The following UGT3A1 variants were observed in gnomAD, a reference collection of about 807,000 sequenced individuals.
UGT3A1 encodes UDP glycosyltransferase family 3 member A1, also known as UDP-glycosyltransferase 3A1.
A neutral mutation model predicts 37.6 loss-of-function variants in UGT3A1; 40 were observed. The ratio of observed to expected loss-of-function variants is 1.06; its 90% CI spans 0.83 to 1.38. UGT3A1 has a LOEUF of 1.38. UGT3A1 is among the 40% of genes most tolerant of loss of function. The pLI, the probability that UGT3A1 is intolerant of heterozygous loss-of-function variation, is 0.00. For missense variants in UGT3A1, 642 were observed against 634.2 expected, an observed-to-expected ratio of 1.01 and a Z score of -0.13; for synonymous variants, 256 against 232.3, an observed-to-expected ratio of 1.10 and a Z score of -0.93.
intron 2 of UGT3A1, among the ~76,000 whole-genome samples, chr5:35,981,622 T>A (rs1301340700): frequency 6.6e-6 from 1 of 152,178 alleles, no homozygotes; most frequent in African/African-American, 2.4e-5. Flanking sequence ...CCATGTTCAT[T>A]TGCATAAGAA....
intron 2 of UGT3A1, among the ~76,000 whole-genome samples, chr5:35,976,968 A>T (rs1580944844): frequency 6.6e-6 from 1 of 151,228 alleles, no homozygotes; most frequent in East Asian, 1.9e-4. Flanking sequence ...GAAAGAGAGA[A>T]AGGGAGAAAG....
At position 35,953,718 on chromosome 5, in the gene UGT3A1, G is replaced by A. The variant is rs567322141; in HGVS notation, c.*484C>T. The A allele has an allele frequency of 1.2e-3, 186 of 157,888 alleles. 6 individuals carry two copies. In the South Asian group the frequency reaches 0.034, roughly 29 times the overall value. 9.8% of individuals were successfully genotyped at this position (157,888 alleles called of 1,614,324 possible). A position where few individuals can be genotyped will look rare whatever the true frequency, so the allele number is the denominator to read the frequency against. The stretch of plus-strand genomic sequence containing the variant: ...GGCAGTGAGCAAAGGTCTTGGCAGG[G>A]GTTCTCCTTCCCTAAATGCAGGAGA... On this transcript the variant is annotated 3_prime_UTR_variant, in exon 7 of 7. Coordinates refer to ENST00000274278, the MANE Select transcript of UGT3A1 (RefSeq NM_152404.4).
At chr5:35,995,443 C>T (rs1387023822), upstream of UGT3A1, among the ~76,000 whole-genome samples, 2 of 152,308 alleles carry the variant, frequency 1.3e-5, no homozygotes, top group African/African-American at 4.8e-5. Context: ...GGCTGAATTA[C>T]GAGGCATAGT....
At chr5:35,991,640 C>A (rs1740955867), upstream of UGT3A1, 28 of 1,003,492 alleles carry the variant, frequency 2.8e-5, no homozygotes, top group Non-Finnish European at 3.3e-5. Flanking sequence ...TTTCGTGGAG[C>A]TGTCTGAACT....
chr5:35,992,417 G>T (rs1436199390), upstream of UGT3A1, among the ~76,000 whole-genome samples: 1 of 152,046 alleles, frequency 6.6e-6, no homozygotes, highest in Non-Finnish European at 1.5e-5. Context: ...GGAAAGAGAA[G>T]TGTGGAGGGG....
intron 2 of UGT3A1, among the ~76,000 whole-genome samples, chr5:35,982,589 A>C (rs1340973546): frequency 6.6e-6 from 1 of 152,174 alleles, no homozygotes; most frequent in Non-Finnish European, 1.5e-5. Flanking sequence ...AAGTAACTGA[A>C]TTGTTTTAGA....
intron 6 of UGT3A1, chr5:35,955,367 C>G: frequency 1.7e-6 from 1 of 584,756 alleles, no homozygotes. Flanking sequence ...TGGAATTCCA[C>G]TAGAGGGACT....
In UGT3A1 at chr5:35,951,890, G is replaced by T. The variant is rs1227788703; in HGVS notation, c.*2312C>A. The stretch of plus-strand genomic sequence containing the variant: ...TAGTGTGAAGTCTGGATCAAATATT[G>T]CCTTTTTTCTCAATATTATCCAGTT... On this transcript the variant is annotated 3_prime_UTR_variant, in exon 7 of 7. Transcript: ENST00000274278. 1 of 152,098 alleles carries T rather than the reference G, an allele frequency of 6.6e-6. No homozygotes were observed. Among genetic ancestry groups the T allele is most frequent in the African/African-American group, 2.4e-5 (1 of 41,410 alleles). The allele number at this position is 152,098 out of a possible 1,614,324, so 9.4% of individuals were successfully genotyped here.
chr5:35,957,657 A>G (rs1739411188), intron 4 of UGT3A1, among the ~76,000 whole-genome samples: 1 of 152,168 alleles, frequency 6.6e-6, no homozygotes, highest in Non-Finnish European at 1.5e-5. Context: ...TTGCATATAA[A>G]TTATAAATTT....
chr5:35,954,762 T>C, intron 6 of UGT3A1: 2 of 444,790 alleles, frequency 4.5e-6, no homozygotes, highest in South Asian at 7.1e-5. Flanking sequence ...ATCCCTAGGA[T>C]GCTTATGGTA....
chr5:35,954,302 A>G lies in UGT3A1; in HGVS notation c.1472T>C (p.Phe491Ser). The G allele has an allele frequency of 6.2e-7, 1 of 1,614,204 alleles. No homozygotes were observed. The highest frequency in any genetic ancestry group is 2.2e-5 in the East Asian group (1 of 44,882). Reference sequence around the variant, plus strand: ...AGTGCCCAGAGTGAGCCCCAGCAGAAACACAAAGACATCAATGAGGTACTG... The same window carrying G: ...AGTGCCCAGAGTGAGCCCCAGCAGAGACACAAAGACATCAATGAGGTACTG... ...HEQYLIDVFV[F>S]LLGLTLGTMW... The change falls in exon 7 of 7, where the codon TTT (phenylalanine) becomes TCT (serine). Residue 491 changes from phenylalanine to serine, a missense_variant. Physicochemically the swap from Phe to Ser is radical, Grantham distance 155. Transcript: ENST00000274278.
At chr5:35,994,353 G>C (rs2111578404), upstream of UGT3A1, among the ~76,000 whole-genome samples, 1 of 151,502 alleles carries the variant, frequency 6.6e-6, no homozygotes, top group African/African-American at 2.4e-5. Context: ...GTGTGTGTGT[G>C]TGTGTGTGTG....
intron 2 of UGT3A1, among the ~76,000 whole-genome samples, chr5:35,976,278 G>A (rs1167233118): frequency 6.6e-6 from 1 of 152,146 alleles, no homozygotes; most frequent in Non-Finnish European, 1.5e-5. Context: ...TTGAAATTGT[G>A]TTGCTCCTAC....
upstream of UGT3A1, chr5:35,991,749 T>G: frequency 3.4e-6 from 2 of 588,384 alleles, no homozygotes; most frequent in African/African-American, 2.0e-5. Context: ...CTCTAGCTGG[T>G]GTCCCAAGCT....
At chr5:35,994,616 C>T (rs1211019530), upstream of UGT3A1, among the ~76,000 whole-genome samples, 1 of 152,054 alleles carries the variant, frequency 6.6e-6, no homozygotes, top group African/African-American at 2.4e-5. Context: ...CTGACAGGTG[C>T]ATATAAGGAG....
chr5:36,000,446 A>T (rs996134653), intron 1 of UGT3A1, among the ~76,000 whole-genome samples: 11 of 152,204 alleles, frequency 7.2e-5, no homozygotes, highest in African/African-American at 2.7e-4. Context: ...GATTCCCTTC[A>T]ACCACAATGG....
chr5:35,987,767 G>T (rs1561472645), intron 2 of UGT3A1, among the ~76,000 whole-genome samples: 2 of 152,132 alleles, frequency 1.3e-5, no homozygotes, highest in Non-Finnish European at 2.9e-5. Context: ...AGAGCCTGAA[G>T]ACCCAGATTC....
chr5:35,966,346 A>G (rs977383779), intron 3 of UGT3A1, among the ~76,000 whole-genome samples: 1 of 152,172 alleles, frequency 6.6e-6, no homozygotes, highest in Non-Finnish European at 1.5e-5. Context: ...TTAAATATTG[A>G]TGATGTAGTC....
chr5:35,966,656 A>G (rs1183790041), intron 3 of UGT3A1, among the ~76,000 whole-genome samples: 5 of 152,174 alleles, frequency 3.3e-5, no homozygotes, highest in Non-Finnish European at 7.4e-5. Context: ...TGCATGGAAA[A>G]TGATCCTGTT....
Sources: gnomAD v4.1 joint callset for allele counts (sites outside exome capture counted in the v4.1 genomes callset) on GRCh38, gnomAD v4.1.1 for gene constraint, MANE v1.5 for transcripts, NCBI Gene and HGNC (gene_info 2026-07-23, HGNC 2026-07-21) for gene names.